The following POU2F3 variants were observed in gnomAD, a reference collection of about 807,000 sequenced individuals.
POU2F3 encodes the protein POU domain, class 2, transcription factor 3.
A neutral mutation model predicts 59.2 loss-of-function variants in POU2F3; 23 were observed. The ratio of observed to expected loss-of-function variants is 0.39; its 90% CI spans 0.28 to 0.55. The LOEUF is 0.55. POU2F3 is among the 20% of genes least tolerant of loss of function. The pLI is 0.66. For missense variants in POU2F3, 473 were observed against 544.5 expected, an observed-to-expected ratio of 0.87 and a Z score of 1.31; for synonymous variants, 190 against 214.6, an observed-to-expected ratio of 0.89 and a Z score of 1.00.
intron 2 of POU2F3, chr11:120,250,030 T>C (rs569164778): frequency 1.6e-4 from 25 of 152,336 alleles, no homozygotes; most frequent in Admixed American, 1.0e-3. Flanking sequence ...TTCCTCCCCA[T>C]AGAGGCGGGG....
At chr11:120,293,122 C>T (rs115930328) in intron 3 of POU2F3, among the ~76,000 whole-genome samples, 3,052 of 152,246 alleles carry the variant, frequency 0.02, 110 homozygotes, top group African/African-American at 0.068. Context: ...TTCCATCCCT[C>T]CTTTTGTAGA....
intron 3 of POU2F3, among the ~76,000 whole-genome samples, chr11:120,289,061 G>A (rs548808577): frequency 1.7e-4 from 26 of 152,120 alleles, no homozygotes; most frequent in African/African-American, 5.1e-4. Flanking sequence ...CTAAGAATTC[G>A]CTTTTAAAAA....
intron 5 of POU2F3, chr11:120,301,148 C>G: frequency 2.2e-6 from 1 of 449,540 alleles, no homozygotes; most frequent in East Asian, 7.0e-5. Context: ...GAAAAATTTA[C>G]TGGTTTCTTT....
At chr11:120,304,676 T>C (rs1941434935) in intron 6 of POU2F3, among the ~76,000 whole-genome samples, 1 of 151,954 alleles carries the variant, frequency 6.6e-6, no homozygotes, top group Non-Finnish European at 1.5e-5. Context: ...GTTTTTGGAA[T>C]CTTTGTAAAC....
At chr11:120,262,318 A>T (rs1565361923) in intron 2 of POU2F3, among the ~76,000 whole-genome samples, 2 of 152,252 alleles carry the variant, frequency 1.3e-5, no homozygotes, top group Non-Finnish European at 2.9e-5. Context: ...TATTTTATTT[A>T]TACATTTATT....
intron 2 of POU2F3, among the ~76,000 whole-genome samples, chr11:120,267,841 C>T (rs1048740154): frequency 2.0e-5 from 3 of 151,982 alleles, no homozygotes; most frequent in South Asian, 2.1e-4. Flanking sequence ...GCATATGCTG[C>T]GTAGTGCTGG....
At chr11:120,287,420 G>T (rs1221150733) in intron 3 of POU2F3, among the ~76,000 whole-genome samples, 1 of 152,236 alleles carries the variant, frequency 6.6e-6, no homozygotes, top group African/African-American at 2.4e-5. Context: ...CAGGTATTAA[G>T]TGTGCAAAAT....
At chr11:120,265,437 G>T (rs1939788782) in intron 2 of POU2F3, 1 of 152,220 alleles carries the variant, frequency 6.6e-6, no homozygotes, top group Non-Finnish European at 1.5e-5. Context: ...GCCCTTCATT[G>T]TGCCTGGGAA....
At chr11:120,264,011 G>A (rs1939717228) in intron 2 of POU2F3, among the ~76,000 whole-genome samples, 1 of 152,134 alleles carries the variant, frequency 6.6e-6, no homozygotes, top group African/African-American at 2.4e-5. Flanking sequence ...TGGCCTCTGG[G>A]ACCTCACAAT....
At chr11:120,237,633 G>T (rs1406192912), upstream of POU2F3, among the ~76,000 whole-genome samples, 1 of 152,228 alleles carries the variant, frequency 6.6e-6, no homozygotes, top group Non-Finnish European at 1.5e-5. Flanking sequence ...CGGAGAATGA[G>T]ACCCTCGGTG....
intron 2 of POU2F3, chr11:120,256,776 C>A (rs776786229): frequency 1.3e-5 from 2 of 152,230 alleles, no homozygotes; most frequent in Non-Finnish European, 2.9e-5. Context: ...TGCAGATTCA[C>A]GGAGACTAGA....
At chr11:120,293,911 G>A (rs1941113260) in intron 3 of POU2F3, among the ~76,000 whole-genome samples, 1 of 152,206 alleles carries the variant, frequency 6.6e-6, no homozygotes, top group Admixed American at 6.5e-5. Context: ...CACCAGAGGA[G>A]GGTCAGGAGA....
At position 120,315,417 on chromosome 11, in the gene POU2F3, G is replaced by A. The variant is rs1402339589; in HGVS notation, c.1125G>A (p.Met375Ile). 2 of 1,612,948 alleles carry A rather than the reference G, an allele frequency of 1.2e-6. No homozygotes were observed. Among genetic ancestry groups the A allele is most frequent in the East Asian group, 2.2e-5 (1 of 44,884 alleles). Residue 375 changes from methionine to isoleucine, a missense_variant, in exon 11 of 13, where the codon ATG becomes ATA. Coordinates refer to ENST00000543440, the MANE Select transcript of POU2F3 (RefSeq NM_014352.4). ...CTGTCCCTCCTGTCCACAGTACCAT[G>A]CCTGGAACAGGTGAGCTTTAAAATG... ...PLSVPPVHST[M>I]PGTVTSSCSP...
upstream of POU2F3, among the ~76,000 whole-genome samples, chr11:120,239,503 C>G (rs1286205767): frequency 2.0e-5 from 3 of 152,172 alleles, no homozygotes; most frequent in East Asian, 1.9e-4. Flanking sequence ...AACCTGGGAC[C>G]TGGGGCGGGA....
At chr11:120,257,466 C>G (rs1939390770) in intron 2 of POU2F3, among the ~76,000 whole-genome samples, 1 of 138,710 alleles carries the variant, frequency 7.2e-6, no homozygotes, top group Admixed American at 7.1e-5. Context: ...TCAATTCTCA[C>G]TTTCAGGGGC....
At chr11:120,305,863 T>C (rs1287088412) in intron 8 of POU2F3, 78 bp downstream of exon 8, 1 of 1,547,680 alleles carries the variant, frequency 6.5e-7, no homozygotes, top group Non-Finnish European at 8.7e-7. Flanking sequence ...GTGTTGGGGC[T>C]TTTGGGAGTT....
At chr11:120,304,968 A>AAT in intron 6 of POU2F3, 62 bp from the exon 7 acceptor site, 7 of 1,190,710 alleles carry the variant, frequency 5.9e-6, no homozygotes, top group Non-Finnish European at 5.7e-6. Context: ...AAAAAAAAAA[A>AAT]AAATCAGAAA....
chr11:120,270,649 G>A (rs1471032483), intron 3 of POU2F3, among the ~76,000 whole-genome samples: 1 of 152,120 alleles, frequency 6.6e-6, no homozygotes, highest in East Asian at 1.9e-4. Context: ...GAGATCAAAG[G>A]CAGACATAGG....
chr11:120,262,922 T>A (rs532478496), intron 2 of POU2F3, among the ~76,000 whole-genome samples: 1 of 151,848 alleles, frequency 6.6e-6, no homozygotes, highest in Non-Finnish European at 1.5e-5. Flanking sequence ...ATGCATAACA[T>A]AAAATTTACT....
Sources: gnomAD v4.1 joint callset for allele counts (sites outside exome capture counted in the v4.1 genomes callset) on GRCh38, gnomAD v4.1.1 for gene constraint, MANE v1.5 for transcripts, NCBI Gene and HGNC (gene_info 2026-07-23, HGNC 2026-07-21) for gene names.